The following PTPRD variants were observed in gnomAD, a reference collection of about 807,000 sequenced individuals.
The protein encoded by PTPRD is receptor-type tyrosine-protein phosphatase delta.
A neutral mutation model predicts 214.5 loss-of-function variants in PTPRD; 34 were observed. The ratio of observed to expected loss-of-function variants is 0.16; its 90% CI spans 0.12 to 0.21. The LOEUF (loss-of-function observed/expected upper bound fraction) is 0.21. Ranked by LOEUF, PTPRD falls within the 10% of genes least tolerant of loss-of-function variation. The probability of loss-of-function intolerance (pLI) is 1.00; values close to 1 mark genes in which losing one functional copy is unlikely to be tolerated. For synonymous variants in PTPRD, 1,128 were observed against 845.7 expected, an observed-to-expected ratio of 1.33 and a Z score of -5.79; for missense variants, 2,545 against 2,398.7, an observed-to-expected ratio of 1.06 and a Z score of -1.27.
At chr9:8,920,821 T>G (rs2098822405) in intron 11 of PTPRD, among the ~76,000 whole-genome samples, 1 of 151,472 alleles carries the variant, frequency 6.6e-6, no homozygotes, top group Admixed American at 6.6e-5. Context: ...ATTTATTTAT[T>G]ATTTTATTTT....
intron 3 of PTPRD, among the ~76,000 whole-genome samples, chr9:10,127,058 T>C (rs144243510): frequency 8.0e-5 from 12 of 150,636 alleles, no homozygotes. Context: ...AACATACACA[T>C]AAATTCATTC....
rs186770806 is a variant in PTPRD at position 8,525,065 on chromosome 9, A to G, written c.569-30T>C. ...ATGGATATAAAATATATTGCCAAAG[A>G]GATGATCAGAGAAGGCTTTCTCAGT... On this transcript the variant is annotated intron_variant, in intron 17 of 45. Transcript: ENST00000381196. The G allele has an allele frequency of 5.5e-5, 86 of 1,562,062 alleles. No individual in the cohort carries two copies. In the African/African-American group the frequency reaches 1.1e-3, roughly 19 times the overall value.
chr9:10,046,702 G>C (rs1038888010), intron 3 of PTPRD, among the ~76,000 whole-genome samples: 1 of 151,826 alleles, frequency 6.6e-6, no homozygotes, highest in Non-Finnish European at 1.5e-5. Flanking sequence ...ATGATAAGAT[G>C]GATGATTGCA....
intron 3 of PTPRD, among the ~76,000 whole-genome samples, chr9:10,258,411 A>G (rs1299250321): frequency 6.6e-6 from 1 of 152,220 alleles, no homozygotes; most frequent in Non-Finnish European, 1.5e-5. Flanking sequence ...ACAGAGGAAC[A>G]TAGGCTTATA....
At chr9:9,573,634 A>C (rs2087324848) in intron 8 of PTPRD, among the ~76,000 whole-genome samples, 1 of 151,766 alleles carries the variant, frequency 6.6e-6, no homozygotes. Flanking sequence ...GTGAAATATA[A>C]TTTAAAACTT....
At chr9:8,582,005 A>G (rs2093192454) in intron 14 of PTPRD, among the ~76,000 whole-genome samples, 1 of 151,922 alleles carries the variant, frequency 6.6e-6, no homozygotes, top group Non-Finnish European at 1.5e-5. Flanking sequence ...TAAAAGAATA[A>G]AAGTTTATGT....
At chr9:9,613,227 A>G (rs940467788) in intron 7 of PTPRD, among the ~76,000 whole-genome samples, 1 of 148,154 alleles carries the variant, frequency 6.7e-6, no homozygotes, top group Non-Finnish European at 1.5e-5. Context: ...AAATCATTTA[A>G]CAAATATAAA....
intron 35 of PTPRD, among the ~76,000 whole-genome samples, chr9:8,422,695 G>C (rs547895077): frequency 1.3e-5 from 2 of 152,260 alleles, no homozygotes; most frequent in African/African-American, 4.8e-5. Context: ...GATTTCTTGA[G>C]CTGTGACAAC....
rs547771269 is a variant in PTPRD, at chr9:8,431,752, T to C, written c.4086+4840A>G. 2.0e-5 allele frequency among the ~76,000 whole-genome samples: 3 copies of C among 152,342 alleles called. No homozygotes were observed. The East Asian group carries it at 5.8e-4, about 29-fold the overall frequency. On this transcript the variant is annotated intron_variant, in intron 35 of 45. Coordinates refer to ENST00000381196, the MANE Select transcript of PTPRD (RefSeq NM_002839.4). Reference sequence around the variant, plus strand: ...AGATTTGTGGATACCACAGCTGACCTATTAAACTAGCATTTCTGGGGCTGG... The same window carrying C: ...AGATTTGTGGATACCACAGCTGACCCATTAAACTAGCATTTCTGGGGCTGG...
At chr9:9,818,316 C>T (rs1288022063) in intron 5 of PTPRD, among the ~76,000 whole-genome samples, 2 of 152,032 alleles carry the variant, frequency 1.3e-5, no homozygotes, top group African/African-American at 4.8e-5. Flanking sequence ...TTTTTAAAGC[C>T]TGGTGAGGGA....
intron 5 of PTPRD, among the ~76,000 whole-genome samples, chr9:9,926,201 AG>A (rs2153897032): frequency 6.6e-6 from 1 of 152,240 alleles, no homozygotes; most frequent in African/African-American, 2.4e-5. Flanking sequence ...TATTTTCCTA[AG>A]TCAAGCCCTT....
At chr9:8,353,439 TGAATG>T (rs1469348280) in intron 39 of PTPRD, among the ~76,000 whole-genome samples, 1 of 152,138 alleles carries the variant, frequency 6.6e-6, no homozygotes, top group African/African-American at 2.4e-5. Context: ...AATGAATGAA[TGAATG>T]AATGAGATGG....
In PTPRD at chr9:8,315,978, C is replaced by G. The variant is rs1473490544; in HGVS notation, c.*1896G>C. On this transcript the variant is annotated 3_prime_UTR_variant, in exon 46 of 46. Coordinates refer to ENST00000381196, the MANE Select transcript of PTPRD (RefSeq NM_002839.4). Reference sequence around the variant, plus strand: ...GTTTATTTCCCCTTTTAGAAAAATCCTAATGGAATATCAAATATATTCCAA... The same window carrying G: ...GTTTATTTCCCCTTTTAGAAAAATCGTAATGGAATATCAAATATATTCCAA... The G allele has an allele frequency of 2.2e-5, 5 of 226,852 alleles. No homozygotes were observed. The East Asian group carries it at 3.2e-4, about 15-fold the overall frequency. The allele number at this position is 226,852 out of a possible 1,614,324, so 14.1% of individuals were successfully genotyped here.
At chr9:8,713,226 G>A (rs2098382288) in intron 12 of PTPRD, 2 of 587,422 alleles carry the variant, frequency 3.4e-6, no homozygotes, top group East Asian at 2.8e-5. Context: ...TATCCAGTTC[G>A]CTCCTAAACT....
chr9:8,318,069 A>C, intron 45 of PTPRD, 127 bp from the exon 46 acceptor site: 1 of 804,610 alleles, frequency 1.2e-6, no homozygotes, highest in Non-Finnish European at 2.0e-6. Context: ...ACTTTCGTCA[A>C]CTGGTCTAAT....
At chr9:8,856,711 A>G (rs894237713) in intron 11 of PTPRD, among the ~76,000 whole-genome samples, 1 of 152,182 alleles carries the variant, frequency 6.6e-6, no homozygotes, top group Non-Finnish European at 1.5e-5. Flanking sequence ...GGAAACAATA[A>G]AAGTGGATTG....
intron 11 of PTPRD, among the ~76,000 whole-genome samples, chr9:8,769,050 G>A (rs1434893630): frequency 1.3e-5 from 2 of 152,172 alleles, no homozygotes; most frequent in Admixed American, 6.5e-5. Context: ...AATTCTGTGT[G>A]TTAGCATAAC....
At chr9:9,447,461 G>T (rs1387129732) in intron 8 of PTPRD, among the ~76,000 whole-genome samples, 2 of 151,978 alleles carry the variant, frequency 1.3e-5, no homozygotes, top group Non-Finnish European at 2.9e-5. Flanking sequence ...GAAGTTAAAT[G>T]ATAAGAACAC....
At chr9:9,687,774 T>A (rs1295342915) in intron 7 of PTPRD, among the ~76,000 whole-genome samples, 1 of 151,844 alleles carries the variant, frequency 6.6e-6, no homozygotes, top group Non-Finnish European at 1.5e-5. Context: ...TAACAATAAG[T>A]AGACCTCCTT....
Sources: gnomAD v4.1 joint callset for allele counts (sites outside exome capture counted in the v4.1 genomes callset) on GRCh38, gnomAD v4.1.1 for gene constraint, MANE v1.5 for transcripts, NCBI Gene and HGNC (gene_info 2026-07-23, HGNC 2026-07-21) for gene names.